SUN1: variants seen among roughly 807,000 people sequenced by gnomAD.
SUN1 encodes Sad1 and UNC84 domain containing 1.
In SUN1, 61 loss-of-function variants were observed where a neutral mutation model predicts 103.2. The ratio of observed to expected loss-of-function variants is 0.59; its 90% CI spans 0.48 to 0.73. The LOEUF is 0.73. Ranked by LOEUF, SUN1 falls within the 30% of genes least tolerant of loss-of-function variation. The pLI is 0.00. For missense variants in SUN1, 1,052 were observed against 1,034.6 expected, an observed-to-expected ratio of 1.02 and a Z score of -0.23; for synonymous variants, 490 against 425.7, an observed-to-expected ratio of 1.15 and a Z score of -1.86.
At position 873,222 on chromosome 7, in the gene SUN1, C is replaced by T. The variant is rs948241783; in HGVS notation, c.2249C>T (p.Pro750Leu). ...SLQMFQALKR[P>L]DDTAFQIVEL... ...TTCCCACCTTGATTTCAGAAAAGAC[C>T]CGACGACACAGCTTTCCAAATAGTG... The change falls in exon 19 of 19, where the codon CCC becomes CTC. Residue 750 changes from proline to leucine, a missense_variant. Coordinates refer to ENST00000401592, the MANE Select transcript of SUN1 (RefSeq NM_001130965.3). The T allele has an allele frequency of 2.5e-6, 4 of 1,614,004 alleles. No individual in the cohort carries two copies. The highest frequency in any genetic ancestry group is 3.4e-6 in the Non-Finnish European group (4 of 1,180,028).
intron 2 of SUN1, among the ~76,000 whole-genome samples, chr7:839,548 G>GCC (rs1554262064): frequency 3.4e-5 from 4 of 116,768 alleles, no homozygotes; most frequent in Admixed American, 8.7e-5. Flanking sequence ...ACCACGCCTG[G>GCC]CAAATTTTCC....
rs369315584 is a variant in SUN1 at position 869,363 on chromosome 7, C to T, written c.1995C>T (p.Pro665=). The change falls in exon 17 of 19, where the codon CCC becomes CCT. Residue 665 remains proline (P), a synonymous_variant. Coordinates refer to ENST00000401592, the MANE Select transcript of SUN1 (RefSeq NM_001130965.3). ...CCTTTCCCCAGCCTGACATTTACCC[C>T]GGTAACTGCTGGGCATTTAAAGGCT... ...PRVVIQPDIY[P]GNCWAFKGSQ... 932 of 1,613,556 alleles carry T rather than the reference C, an allele frequency of 5.8e-4. 4 individuals are homozygous for T. The Middle Eastern group carries it at 7.4e-3, about 13-fold the overall frequency.
At chr7:852,170 A>G in intron 7 of SUN1, 127 bp downstream of exon 7, 2 of 862,030 alleles carry the variant, frequency 2.3e-6, no homozygotes, top group Non-Finnish European at 1.8e-6. Flanking sequence ...TGTATATTTT[A>G]CAAAAGTGCT....
intron 10 of SUN1, 75 bp downstream of exon 10, chr7:853,693 A>G (rs1562719520): frequency 3.3e-6 from 5 of 1,502,508 alleles, no homozygotes; most frequent in Non-Finnish European, 4.5e-6. Context: ...TCCTTTTGGG[A>G]GACAGAGGGG....
At chr7:819,089 C>G (rs1562458961) in intron 1 of SUN1, among the ~76,000 whole-genome samples, 1 of 152,040 alleles carries the variant, frequency 6.6e-6, no homozygotes, top group African/African-American at 2.4e-5. Context: ...TCTCAAACTC[C>G]CGACCTCAGG....
chr7:850,999 A>G (rs1449304175), intron 5 of SUN1, among the ~76,000 whole-genome samples: 3 of 152,166 alleles, frequency 2.0e-5, no homozygotes, highest in African/African-American at 7.2e-5. Flanking sequence ...GCAGGTGTCT[A>G]TGGAATTTCA....
chr7:828,483 G>T (rs900677282), upstream of SUN1, among the ~76,000 whole-genome samples: 1 of 152,118 alleles, frequency 6.6e-6, no homozygotes, highest in Admixed American at 6.5e-5. Flanking sequence ...TGTTGGCCCC[G>T]CTGGCCTCGA....
upstream of SUN1, among the ~76,000 whole-genome samples, chr7:830,197 A>T (rs116416316): frequency 6.6e-6 from 1 of 152,202 alleles, no homozygotes; most frequent in Non-Finnish European, 1.5e-5. Flanking sequence ...CCTGTGGCCC[A>T]TGTGGGAGAG....
At chr7:869,153 T>A in intron 16 of SUN1, 196 bp from the exon 17 acceptor site, 275 of 591,526 alleles carry the variant, frequency 4.6e-4, no homozygotes, top group East Asian at 5.4e-4. Flanking sequence ...TTATACAACA[T>A]ATGGGTTGGA....
At chr7:869,321 T>G (rs1839762668) in intron 16 of SUN1, 28 bp from the exon 17 acceptor site, 3 of 1,608,858 alleles carry the variant, frequency 1.9e-6, no homozygotes, top group East Asian at 4.5e-5. Flanking sequence ...GCTCACACTC[T>G]GAGTCCTCAT....
upstream of SUN1, among the ~76,000 whole-genome samples, chr7:816,452 C>G (rs1356687716): frequency 2.7e-5 from 4 of 148,836 alleles, no homozygotes; most frequent in African/African-American, 7.4e-5. Flanking sequence ...TCCCTCTCCC[C>G]CTCCCCTTCC....
intron 7 of SUN1, chr7:852,398 A>G: frequency 1.6e-6 from 1 of 632,814 alleles, no homozygotes; most frequent in South Asian, 2.0e-5. Flanking sequence ...CCATTCCCAC[A>G]GCACCAGAGA....
chr7:859,675 T>C (rs956766689), intron 13 of SUN1, among the ~76,000 whole-genome samples: 4 of 152,262 alleles, frequency 2.6e-5, no homozygotes, highest in African/African-American at 7.2e-5. Context: ...TATACACATA[T>C]GTGTTTGTGT....
At position 873,527 on chromosome 7, in the gene SUN1, G is replaced by A. The variant is rs1843026768; in HGVS notation, c.*196G>A. 2 of 561,672 alleles carry A rather than the reference G, an allele frequency of 3.6e-6. No homozygotes were observed. The highest frequency in any genetic ancestry group is 1.9e-5 in the African/African-American group (1 of 52,594). 34.8% of individuals were successfully genotyped at this position (561,672 alleles called of 1,614,324 possible). On this transcript the variant is annotated 3_prime_UTR_variant, in exon 19 of 19. Transcript: ENST00000401592. ...TGTTGGGTGCTCACTGCCTCTGCAG[G>A]TGCAGAGGGGTCAGCAGCAGGAGAA... is the stretch of plus-strand genomic sequence containing the variant.
At chr7:856,463 G>A (rs937862608) in intron 12 of SUN1, 62 bp downstream of exon 12, 110 of 1,593,894 alleles carry the variant, frequency 6.9e-5, no homozygotes, top group East Asian at 4.0e-4. Flanking sequence ...TATGTGGAGC[G>A]GCAGCAGAGT....
intron 16 of SUN1, among the ~76,000 whole-genome samples, chr7:866,770 C>T (rs1194015422): frequency 1.5e-5 from 2 of 131,378 alleles, no homozygotes; most frequent in East Asian, 2.3e-4. Context: ...CCTGGGCCTT[C>T]GCCCACCCCT....
chr7:815,747 G>GACCTC, upstream of SUN1: 1 of 173,426 alleles, frequency 5.8e-6, no homozygotes, highest in Non-Finnish European at 1.2e-5. Flanking sequence ...CATCAGCAGG[G>GACCTC]GCCCTGCAGG....
rs573604581 is a variant in SUN1 at position 817,883 on chromosome 7, T to C, written c.-74+1210T>C. ...TGGGCTGGAAGGCTTGGGCTGGCTTTATAATTTTCTTGTCTTTCTCCCATT... is the reference window on the plus strand; with the variant it reads ...TGGGCTGGAAGGCTTGGGCTGGCTTCATAATTTTCTTGTCTTTCTCCCATT... On this transcript the variant is annotated intron_variant, in intron 1 of 17. Coordinates refer to the SUN1 transcript ENST00000389574. Among the ~76,000 whole-genome samples, 3 of 152,196 alleles carry C rather than the reference T, an allele frequency of 2.0e-5. No individual in the cohort carries two copies. In the South Asian group the frequency reaches 6.2e-4, roughly 31 times the overall value.
At chr7:850,189 C>T (rs1214231521) in intron 5 of SUN1, 5 of 681,946 alleles carry the variant, frequency 7.3e-6, no homozygotes, top group African/African-American at 5.4e-5. Flanking sequence ...GAATCTCTCT[C>T]GAAAAGCTCC....
Sources: gnomAD v4.1 joint callset for allele counts (sites outside exome capture counted in the v4.1 genomes callset) on GRCh38, gnomAD v4.1.1 for gene constraint, MANE v1.5 for transcripts, NCBI Gene and HGNC (gene_info 2026-07-23, HGNC 2026-07-21) for gene names.